CSMD1: variants seen among roughly 807,000 people sequenced by gnomAD.
CSMD1 encodes CUB and sushi domain-containing protein 1.
A neutral mutation model predicts 417.5 loss-of-function variants in CSMD1; 213 were observed. That is an observed-to-expected ratio of 0.51 (90% CI 0.46 to 0.57). The LOEUF (loss-of-function observed/expected upper bound fraction) is 0.57, where lower values mean the gene tolerates loss of function less well. Ranked by LOEUF, CSMD1 falls within the 20% of genes least tolerant of loss-of-function variation. The pLI, the probability that CSMD1 is intolerant of heterozygous loss-of-function variation, is 0.00. For synonymous variants in CSMD1, 2,862 were observed against 1,736.8 expected, an observed-to-expected ratio of 1.65 and a Z score of -16.11; for missense variants, 6,923 against 4,529.7, an observed-to-expected ratio of 1.53 and a Z score of -15.17.
chr8:3,899,433 T>C lies in CSMD1; in HGVS notation c.818+98470A>G, dbSNP rs149066358. ...TACTTCAACATGTTGGCCACAGGGA[T>C]TGTACGTGGGGAGATGGGGTGGTAT... On this transcript the variant is annotated intron_variant, in intron 5 of 69. Coordinates refer to ENST00000635120, the MANE Select transcript of CSMD1 (RefSeq NM_033225.6). Among the ~76,000 whole-genome samples the C allele has an allele frequency of 5.8e-4, 88 of 152,180 alleles. No individual in the cohort carries two copies. In the East Asian group the frequency reaches 0.013, roughly 23 times the overall value.
chr8:4,529,512 T>G (rs1298265458), intron 2 of CSMD1, among the ~76,000 whole-genome samples: 2 of 152,304 alleles, frequency 1.3e-5, no homozygotes, highest in East Asian at 3.9e-4. Flanking sequence ...ATGAATAAAT[T>G]TCTAAAAATG....
At chr8:3,852,805 C>T (rs775422159) in intron 5 of CSMD1, among the ~76,000 whole-genome samples, 6 of 152,132 alleles carry the variant, frequency 3.9e-5, no homozygotes, top group Admixed American at 6.6e-5. Context: ...TCCAAGCGCA[C>T]GCTTCAACAA....
At chr8:3,532,203 C>G (rs1014618040) in intron 10 of CSMD1, among the ~76,000 whole-genome samples, 1 of 152,154 alleles carries the variant, frequency 6.6e-6, no homozygotes, top group African/African-American at 2.4e-5. Flanking sequence ...CTTAGTATGT[C>G]CGTGTCCTTG....
At chr8:4,592,382 C>T (rs1471875986) in intron 2 of CSMD1, among the ~76,000 whole-genome samples, 1 of 151,600 alleles carries the variant, frequency 6.6e-6, no homozygotes, top group East Asian at 1.9e-4. Flanking sequence ...ATTCATTTTC[C>T]TTGTTATCGC....
chr8:3,040,466 A>C (rs1438484421), intron 50 of CSMD1, among the ~76,000 whole-genome samples: 1 of 148,548 alleles, frequency 6.7e-6, no homozygotes, highest in Non-Finnish European at 1.5e-5. Flanking sequence ...AAATCTATCT[A>C]TCTATATATA....
intron 7 of CSMD1, among the ~76,000 whole-genome samples, chr8:3,707,664 A>T (rs554635042): frequency 1.3e-5 from 2 of 152,218 alleles, no homozygotes; most frequent in South Asian, 4.2e-4. Context: ...TGGAGAGCTG[A>T]CTGCACCTGC....
At position 4,819,654 on chromosome 8, in the gene CSMD1, G is replaced by A. The variant is rs191383207; in HGVS notation, c.85+174678C>T. On this transcript the variant is annotated intron_variant, in intron 1 of 69. Coordinates refer to ENST00000635120, the MANE Select transcript of CSMD1 (RefSeq NM_033225.6). ...AATACTCCATCAACAAATATCATCT[G>A]TTGTCACCCCTGTCTCAGTCTTTTG... Among the ~76,000 whole-genome samples, 11 of 152,228 alleles carry A rather than the reference G, an allele frequency of 7.2e-5. No individual in the cohort carries two copies. In the East Asian group the frequency reaches 1.9e-3, roughly 27 times the overall value.
At chr8:3,587,405 T>C (rs899977467) in intron 8 of CSMD1, among the ~76,000 whole-genome samples, 1 of 152,112 alleles carries the variant, frequency 6.6e-6, no homozygotes, top group African/African-American at 2.4e-5. Context: ...AAACCACGGG[T>C]TGATGTTGAG....
chr8:4,082,820 C>A (rs921349730), intron 3 of CSMD1, among the ~76,000 whole-genome samples: 2 of 140,954 alleles, frequency 1.4e-5, no homozygotes, highest in Admixed American at 7.7e-5. Flanking sequence ...TGTGTCCATG[C>A]ATTCTCATTA....
chr8:3,201,328 G>C (rs1796980657), intron 32 of CSMD1, among the ~76,000 whole-genome samples: 1 of 152,136 alleles, frequency 6.6e-6, no homozygotes, highest in Admixed American at 6.5e-5. Flanking sequence ...ACAGATGATA[G>C]TTGATTATCC....
intron 2 of CSMD1, among the ~76,000 whole-genome samples, chr8:4,589,843 C>T (rs2724986): frequency 0.62 from 94,084 of 151,968 alleles, 30,912 homozygotes; most frequent in African/African-American, 0.86. Flanking sequence ...TGGAATGCAG[C>T]GTATTAATAA....
intron 3 of CSMD1, among the ~76,000 whole-genome samples, chr8:4,351,297 T>G (rs1452707215): frequency 6.6e-6 from 1 of 152,220 alleles, no homozygotes; most frequent in African/African-American, 2.4e-5. Context: ...AACAAGAGAT[T>G]TTTCAATGCT....
chr8:4,102,472 C>G (rs943886260), intron 3 of CSMD1, among the ~76,000 whole-genome samples: 3 of 152,154 alleles, frequency 2.0e-5, no homozygotes, highest in East Asian at 1.9e-4. Flanking sequence ...AGGCAGATAT[C>G]AAATCTGTCA....
chr8:3,908,139 G>T (rs1332198840), intron 5 of CSMD1, among the ~76,000 whole-genome samples: 1 of 152,056 alleles, frequency 6.6e-6, no homozygotes. Flanking sequence ...ACAAATACAT[G>T]GCAATCACTA....
rs930149226 is a variant in CSMD1, at chr8:4,159,130, G to A, written c.416-127031C>T. ...GAGGCTTCTCCATAGTTGGCAGGCT[G>A]GTCTTGAACTCCCAACTTCAGGTAA... On this transcript the variant is annotated intron_variant, in intron 3 of 69. Coordinates refer to ENST00000635120, the MANE Select transcript of CSMD1 (RefSeq NM_033225.6). 1.8e-4 allele frequency among the ~76,000 whole-genome samples: 28 copies of A among 152,018 alleles called. 1 individual carries two copies. Among genetic ancestry groups the A allele is most frequent in the African/African-American group, 5.3e-4 (22 of 41,366 alleles).
At chr8:3,530,287 G>C (rs926580578) in intron 10 of CSMD1, among the ~76,000 whole-genome samples, 1 of 151,932 alleles carries the variant, frequency 6.6e-6, no homozygotes, top group African/African-American at 2.4e-5. Flanking sequence ...TAATGTGATG[G>C]TTTACAGCTA....
intron 2 of CSMD1, among the ~76,000 whole-genome samples, chr8:4,510,013 G>A (rs556577046): frequency 4.6e-5 from 7 of 152,244 alleles, no homozygotes; most frequent in Non-Finnish European, 8.8e-5. Flanking sequence ...ATTCCCACAT[G>A]TTGTGGGAGG....
In CSMD1 at chr8:4,714,898, A is replaced by G. The variant is rs141901987; in HGVS notation, c.86-77340T>C. Among the ~76,000 whole-genome samples the G allele has an allele frequency of 5.1e-3, 777 of 152,344 alleles. 5 individuals are homozygous for G. The highest frequency in any genetic ancestry group is 0.014 in the Middle Eastern group (4 of 294). Reference sequence around the variant, plus strand: ...TGTATACCTTTAGAATAATTGTATAATTTGACTATGATCCATAGCAGACTT... The same window carrying G: ...TGTATACCTTTAGAATAATTGTATAGTTTGACTATGATCCATAGCAGACTT... On this transcript the variant is annotated intron_variant, in intron 1 of 69. Coordinates refer to ENST00000635120, the MANE Select transcript of CSMD1 (RefSeq NM_033225.6).
At chr8:4,753,995 T>G (rs183335551) in intron 1 of CSMD1, among the ~76,000 whole-genome samples, 5 of 152,272 alleles carry the variant, frequency 3.3e-5, no homozygotes, top group Admixed American at 2.6e-4. Flanking sequence ...AGAGTAAAAA[T>G]AGTCTGCCCA....
Sources: gnomAD v4.1 joint callset for allele counts (sites outside exome capture counted in the v4.1 genomes callset) on GRCh38, gnomAD v4.1.1 for gene constraint, MANE v1.5 for transcripts, NCBI Gene and HGNC (gene_info 2026-07-23, HGNC 2026-07-21) for gene names.